MED15: variants seen among roughly 807,000 people sequenced by gnomAD.
MED15 encodes the protein mediator of RNA polymerase II transcription subunit 15.
Under a neutral mutation model 118.7 loss-of-function variants are expected in MED15, and 41 were observed. The observed-to-expected ratio is 0.35, with a 90% CI of 0.27 to 0.45. The LOEUF (loss-of-function observed/expected upper bound fraction) is 0.45. Ranked by LOEUF, MED15 falls within the 20% of genes least tolerant of loss-of-function variation. The pLI, the probability that MED15 is intolerant of heterozygous loss-of-function variation, is 1.00. For synonymous variants in MED15, 436 were observed against 413.9 expected (o/e 1.05, Z -0.65); for missense variants, 740 against 1,025.5 (o/e 0.72, Z 3.80).
At chr22:20,519,351 CAATAACTCTGTTATT>C (rs763054320) in intron 1 of MED15, among the ~76,000 whole-genome samples, 3 of 152,124 alleles carry the variant, frequency 2.0e-5, no homozygotes, top group Middle Eastern at 3.4e-3. Flanking sequence ...GCTTGAGGTA[CAATAACTCTGTTATT>C]TAGGGCAGTG....
At chr22:20,563,847 C>T (rs2056331806) in intron 5 of MED15, among the ~76,000 whole-genome samples, 1 of 152,184 alleles carries the variant, frequency 6.6e-6, no homozygotes, top group Non-Finnish European at 1.5e-5. Flanking sequence ...AGTTGTGCAG[C>T]CATCAGCACA....
At chr22:20,524,933 G>A (rs557257689) in intron 1 of MED15, among the ~76,000 whole-genome samples, 1 of 152,072 alleles carries the variant, frequency 6.6e-6, no homozygotes, top group Non-Finnish European at 1.5e-5. Context: ...TTTTTGAGAC[G>A]CTCCTGGGGG....
At chr22:20,551,408 T>C in intron 2 of MED15, 28 bp from the exon 3 acceptor site, 1 of 1,610,766 alleles carries the variant, frequency 6.2e-7, no homozygotes, top group Non-Finnish European at 8.5e-7. Context: ...TCATCTGGTA[T>C]TAAACTGCTT....
chr22:20,524,499 G>A (rs2054564492), intron 1 of MED15: 1 of 152,202 alleles, frequency 6.6e-6, no homozygotes, highest in Non-Finnish European at 1.5e-5. Flanking sequence ...TTGGGGTGGG[G>A]GTGGGAGGAA....
At chr22:20,565,186 C>G (rs2056391716) in intron 6 of MED15, among the ~76,000 whole-genome samples, 1 of 152,208 alleles carries the variant, frequency 6.6e-6, no homozygotes, top group Admixed American at 6.5e-5. Context: ...CAGGCCCTGA[C>G]TCACTAGGAA....
rs2055462873 is a variant in MED15, at chr22:20,544,857, C to T, written c.157-6579C>T. On this transcript the variant is annotated intron_variant, in intron 2 of 17. Transcript: ENST00000263205. ...GCTGTATCACTCCAGTCTTCAAGTC[C>T]AGCATCACGAGGTAAATACATTCTC... 1.3e-5 allele frequency among the ~76,000 whole-genome samples: 2 copies of T among 149,764 alleles called. 1 individual carries two copies. Among genetic ancestry groups the T allele is most frequent in the South Asian group, 4.2e-4 (2 of 4,804 alleles).
intron 1 of MED15, among the ~76,000 whole-genome samples, chr22:20,525,630 G>A (rs948520448): frequency 2.0e-5 from 3 of 147,316 alleles, no homozygotes; most frequent in Admixed American, 7.0e-5. Context: ...TCCACCTCCC[G>A]GGTTCAAGTG....
At chr22:20,560,421 C>A (rs1012050575) in intron 5 of MED15, among the ~76,000 whole-genome samples, 1 of 152,134 alleles carries the variant, frequency 6.6e-6, no homozygotes, top group African/African-American at 2.4e-5. Context: ...CGCGCCACTA[C>A]GCCCAGCTAA....
intron 1 of MED15, among the ~76,000 whole-genome samples, chr22:20,528,979 GC>G (rs2054755841): frequency 6.6e-6 from 1 of 152,178 alleles, no homozygotes; most frequent in African/African-American, 2.4e-5. Flanking sequence ...AGCACTTGGT[GC>G]AGCCTGGCCT....
At chr22:20,537,752 C>T (rs1431268285) in intron 2 of MED15, among the ~76,000 whole-genome samples, 1 of 152,236 alleles carries the variant, frequency 6.6e-6, no homozygotes, top group Non-Finnish European at 1.5e-5. Context: ...GTGACCACCT[C>T]CTTTAATCTG....
intron 13 of MED15, 25 bp from the exon 14 acceptor site, chr22:20,584,334 C>G: frequency 1.2e-6 from 2 of 1,611,888 alleles, no homozygotes; most frequent in Non-Finnish European, 1.7e-6. Flanking sequence ...TCCACTCTTT[C>G]AGCCCAAGTC....
At chr22:20,565,057 G>A (rs897370489) in intron 6 of MED15, among the ~76,000 whole-genome samples, 7 of 152,326 alleles carry the variant, frequency 4.6e-5, no homozygotes, top group East Asian at 1.9e-4. Context: ...CCTGGGAGGC[G>A]GAGGTTGCAG....
At chr22:20,562,020 G>A (rs1158506698) in intron 5 of MED15, among the ~76,000 whole-genome samples, 1 of 152,130 alleles carries the variant, frequency 6.6e-6, no homozygotes, top group Non-Finnish European at 1.5e-5. Context: ...AGCTGAGTGT[G>A]GTGGTACACA....
In MED15 at chr22:20,585,905, A is replaced by G. The variant is rs957048916; in HGVS notation, c.2230+79A>G. The G allele has an allele frequency of 2.9e-6, 4 of 1,378,502 alleles. No homozygotes were observed. In the African/African-American group the frequency reaches 5.7e-5, roughly 20 times the overall value. 85.4% of individuals were successfully genotyped at this position (1,378,502 alleles called of 1,614,324 possible). A position where few individuals can be genotyped will look rare whatever the true frequency, so the allele number is the denominator to read the frequency against. ...TGGAAAACCAGGCTTCCACTGCAGC[A>G]GGGACAGCCTCTGTGTGCTCCTGCC... On this transcript the variant is annotated intron_variant, in intron 17 of 17. Coordinates refer to ENST00000263205, the MANE Select transcript of MED15 (RefSeq NM_001003891.3).
At chr22:20,582,498 G>C in intron 9 of MED15, 113 bp from the exon 10 acceptor site, 1 of 1,482,306 alleles carries the variant, frequency 6.7e-7, no homozygotes, top group Non-Finnish European at 9.1e-7. Context: ...TGAAGACACA[G>C]GTGTGTGGTG....
chr22:20,571,160 G>A (rs1164384943), intron 8 of MED15, among the ~76,000 whole-genome samples: 2 of 152,240 alleles, frequency 1.3e-5, no homozygotes, highest in African/African-American at 2.4e-5. Flanking sequence ...ATGTTCGTTA[G>A]GCTTCTAGCT....
At chr22:20,534,140 C>T (rs1374024668) in intron 1 of MED15, among the ~76,000 whole-genome samples, 1 of 152,144 alleles carries the variant, frequency 6.6e-6, no homozygotes, top group Non-Finnish European at 1.5e-5. Context: ...CTCTCTGACT[C>T]CTGGCCACAT....
intron 1 of MED15, among the ~76,000 whole-genome samples, chr22:20,527,670 G>C (rs1450521418): frequency 2.0e-5 from 3 of 152,048 alleles, no homozygotes; most frequent in Non-Finnish European, 2.9e-5. Flanking sequence ...TCAAACTCCT[G>C]ACTTCAGCTG....
intron 5 of MED15, among the ~76,000 whole-genome samples, chr22:20,559,223 A>G (rs165671): frequency 0.45 from 68,162 of 152,010 alleles, 15,653 homozygotes; most frequent in East Asian, 0.52. Context: ...CATCAGGAGC[A>G]ATGAAGCAGA....
Sources: gnomAD v4.1 joint callset for allele counts (sites outside exome capture counted in the v4.1 genomes callset) on GRCh38, gnomAD v4.1.1 for gene constraint, MANE v1.5 for transcripts, NCBI Gene and HGNC (gene_info 2026-07-23, HGNC 2026-07-21) for gene names.